The following CABLES1 variants were observed in gnomAD, a reference collection of about 807,000 sequenced individuals.
CABLES1 encodes the protein CDK5 and ABL1 enzyme substrate 1.
CABLES1 carries 36 observed loss-of-function variants against 57.8 expected under a neutral mutation model. The observed-to-expected ratio is 0.62, with a 90% CI of 0.48 to 0.82. The LOEUF (loss-of-function observed/expected upper bound fraction) is 0.82, where lower values mean the gene tolerates loss of function less well. Ranked by LOEUF, CABLES1 falls within the 40% of genes least tolerant of loss-of-function variation. CABLES1 has a pLI of 0.00. For synonymous variants in CABLES1, 374 were observed against 363.0 expected (o/e 1.03, Z -0.35); for missense variants, 767 against 836.6 (o/e 0.92, Z 1.03).
chr18:23,237,082 T>C lies in CABLES1; in HGVS notation c.1343-60T>C, dbSNP rs201780883. The C allele has an allele frequency of 1.3e-4, 125 of 991,894 alleles. No homozygotes were observed. In the East Asian group the frequency reaches 3.0e-3, roughly 24 times the overall value. 61.4% of individuals were successfully genotyped at this position (991,894 alleles called of 1,614,324 possible). On this transcript the variant is annotated intron_variant, in intron 6 of 9. Transcript: ENST00000256925. ...TATACTTGGCATTCTCCTGGCTGTC[T>C]CTGCTGGGGAGGGTCCGGAGCCGCT...
chr18:23,256,130 T>C (rs1598892855), intron 9 of CABLES1, among the ~76,000 whole-genome samples: 1 of 152,336 alleles, frequency 6.6e-6, no homozygotes, highest in Middle Eastern at 3.4e-3. Flanking sequence ...AGTTATGATC[T>C]GAAAGCAGTC....
chr18:23,253,804 C>G lies in CABLES1; in HGVS notation c.1629C>G (p.Val543=). The change falls in exon 9 of 10, where the codon GTC becomes GTG. Residue 543 remains valine, a synonymous_variant. Coordinates refer to ENST00000256925, the MANE Select transcript of CABLES1 (RefSeq NM_001100619.3). The part of the protein sequence containing the change: ...LEEPTVAMAF[V]YFEKLALKGK... ...AGCCCACGGTGGCCATGGCCTTCGT[C>G]TACTTTGAAAAGCTCGCCCTCAAGG... The G allele has an allele frequency of 6.2e-7, 1 of 1,614,224 alleles. No homozygotes were observed. The highest frequency in any genetic ancestry group is 8.5e-7 in the Non-Finnish European group (1 of 1,180,036).
At chr18:23,189,097 T>C (rs976606660) in intron 2 of CABLES1, 188 bp downstream of exon 2, 2 of 537,914 alleles carry the variant, frequency 3.7e-6, no homozygotes, top group African/African-American at 3.9e-5. Flanking sequence ...CAACGTTAAA[T>C]CCAATTAGGT....
At chr18:23,174,638 A>AT (rs1320989718) in intron 1 of CABLES1, among the ~76,000 whole-genome samples, 3 of 150,704 alleles carry the variant, frequency 2.0e-5, no homozygotes, top group Non-Finnish European at 3.0e-5. Flanking sequence ...CACCCGGCTA[A>AT]TTTTTTTGCA....
At chr18:23,253,622 C>T (rs896026827) in intron 8 of CABLES1, 107 bp from the exon 9 acceptor site, 16 of 920,652 alleles carry the variant, frequency 1.7e-5, no homozygotes, top group African/African-American at 3.3e-5. Flanking sequence ...TCCAGATCAC[C>T]CTCTGGGAAA....
chr18:23,202,420 G>A (rs565237711), intron 3 of CABLES1, among the ~76,000 whole-genome samples: 2 of 152,318 alleles, frequency 1.3e-5, no homozygotes, highest in Admixed American at 1.3e-4. Context: ...TCTGGAACGG[G>A]CCTTTGAACC....
At chr18:23,150,604 G>C (rs2046922540) in intron 1 of CABLES1, among the ~76,000 whole-genome samples, 1 of 152,190 alleles carries the variant, frequency 6.6e-6, no homozygotes, top group Non-Finnish European at 1.5e-5. Context: ...AGCCCCGGAG[G>C]GGTGGGACCC....
At chr18:23,238,457 T>TCCTCACTCTC (rs565799432) in intron 7 of CABLES1, among the ~76,000 whole-genome samples, 208 of 152,338 alleles carry the variant, frequency 1.4e-3, no homozygotes, top group African/African-American at 4.8e-3. Flanking sequence ...TTGCCGCTTC[T>TCCTCACTCTC]CCTCACTCTC....
intron 3 of CABLES1, among the ~76,000 whole-genome samples, chr18:23,212,765 C>G (rs1014568774): frequency 6.6e-6 from 1 of 151,924 alleles, no homozygotes; most frequent in Non-Finnish European, 1.5e-5. Flanking sequence ...GGAGACAGCA[C>G]CAAAAAGGGA....
intron 1 of CABLES1, among the ~76,000 whole-genome samples, chr18:23,159,715 C>T (rs1351503554): frequency 6.6e-6 from 1 of 152,166 alleles, no homozygotes; most frequent in Non-Finnish European, 1.5e-5. Flanking sequence ...TAATAATTAA[C>T]ACACACGCAC....
chr18:23,251,482 TCAGCCAAAAAAGACC>T (rs911421736), intron 7 of CABLES1, among the ~76,000 whole-genome samples: 2 of 151,702 alleles, frequency 1.3e-5, no homozygotes, highest in African/African-American at 4.8e-5. Flanking sequence ...TGGCGTGTAG[TCAGCCAAAAAAGACC>T]CAGCCTTGGC....
chr18:23,158,157 CT>C (rs2046978338), intron 1 of CABLES1, among the ~76,000 whole-genome samples: 2 of 150,584 alleles, frequency 1.3e-5, no homozygotes, highest in Non-Finnish European at 2.9e-5. Flanking sequence ...CAAAATTTAG[CT>C]GGGTGTAGTG....
intron 3 of CABLES1, among the ~76,000 whole-genome samples, chr18:23,213,299 T>C (rs889353239): frequency 3.3e-5 from 5 of 152,214 alleles, no homozygotes; most frequent in Non-Finnish European, 7.3e-5. Flanking sequence ...TCATCAGCAG[T>C]TCCCTTTGGC....
At chr18:23,185,984 G>T (rs1052485277) in intron 1 of CABLES1, among the ~76,000 whole-genome samples, 102 of 152,348 alleles carry the variant, frequency 6.7e-4, no homozygotes, top group African/African-American at 2.3e-3. Flanking sequence ...AGACATGGGG[G>T]CCACTAATTT....
At chr18:23,183,330 C>G (rs976189670) in intron 1 of CABLES1, among the ~76,000 whole-genome samples, 1 of 152,136 alleles carries the variant, frequency 6.6e-6, no homozygotes, top group African/African-American at 2.4e-5. Flanking sequence ...CCCTTGTGAC[C>G]AGCCCTGCGT....
At chr18:23,200,829 C>G (rs998903452) in intron 3 of CABLES1, among the ~76,000 whole-genome samples, 1 of 152,130 alleles carries the variant, frequency 6.6e-6, no homozygotes, top group East Asian at 1.9e-4. Context: ...TGAGAAGGGC[C>G]GGGTGATTGT....
chr18:23,209,680 C>T (rs2047389840), intron 3 of CABLES1, among the ~76,000 whole-genome samples: 1 of 152,150 alleles, frequency 6.6e-6, no homozygotes, highest in African/African-American at 2.4e-5. Flanking sequence ...TGTAATGGAA[C>T]ATTTCACCTG....
chr18:23,211,330 G>A (rs933012870), intron 3 of CABLES1, among the ~76,000 whole-genome samples: 2 of 152,216 alleles, frequency 1.3e-5, no homozygotes, highest in East Asian at 1.9e-4. Context: ...AGAGGACATC[G>A]ATGCCCAGTG....
chr18:23,178,238 G>GTACCTGCTTCTCCTGGTTCTACCCT (rs1254254241), intron 1 of CABLES1, among the ~76,000 whole-genome samples: 1 of 151,284 alleles, frequency 6.6e-6, no homozygotes, highest in Non-Finnish European at 1.5e-5. Context: ...CCAGTACCCA[G>GTACCTGCTTCTCCTGGTTCTACCCT]TACCTGCTTC....
Sources: allele counts gnomAD v4.1 joint callset (sites outside exome capture counted in the v4.1 genomes callset), GRCh38; gene constraint gnomAD v4.1.1; transcripts MANE v1.5; gene names NCBI Gene and HGNC (gene_info 2026-07-23, HGNC 2026-07-21).